Variants in KCNH1 observed in about 807,000 individuals in gnomAD.
KCNH1 encodes potassium voltage-gated channel subfamily H member 1.
In KCNH1, 27 loss-of-function variants were observed where a neutral mutation model predicts 69.2. That is an observed-to-expected ratio of 0.39 (90% CI 0.29 to 0.54). KCNH1 has a LOEUF of 0.54. Among genes scored for constraint, KCNH1 ranks in the 20% least tolerant of loss-of-function variants. The probability of loss-of-function intolerance (pLI) is 0.68; values close to 1 mark genes in which losing one functional copy is unlikely to be tolerated. For missense variants in KCNH1, 798 were observed against 1,261.6 expected (o/e 0.63, Z 5.57); for synonymous variants, 456 against 487.7 (o/e 0.93, Z 0.86).
intron 10 of KCNH1, among the ~76,000 whole-genome samples, chr1:210,743,283 T>C (rs1683078712): frequency 6.6e-6 from 1 of 152,200 alleles, no homozygotes; most frequent in Admixed American, 6.5e-5. Flanking sequence ...AGTCCGAGTG[T>C]CCTGAAAGAG....
At chr1:210,764,057 A>T (rs1683573122) in intron 10 of KCNH1, among the ~76,000 whole-genome samples, 1 of 152,184 alleles carries the variant, frequency 6.6e-6, no homozygotes, top group Non-Finnish European at 1.5e-5. Flanking sequence ...AAAGTTTGAA[A>T]TGAAGCCACA....
At chr1:210,933,489 T>G (rs1002142745) in intron 6 of KCNH1, among the ~76,000 whole-genome samples, 5 of 151,092 alleles carry the variant, frequency 3.3e-5, no homozygotes, top group Non-Finnish European at 7.4e-5. Flanking sequence ...ATTGTGAACA[T>G]GTACCCTAAA....
chr1:210,739,294 A>G (rs374766862), intron 10 of KCNH1, among the ~76,000 whole-genome samples: 5 of 152,216 alleles, frequency 3.3e-5, no homozygotes, highest in African/African-American at 9.6e-5. Flanking sequence ...TGATTTGCCA[A>G]TCCTGTTCTC....
intron 6 of KCNH1, among the ~76,000 whole-genome samples, chr1:210,963,187 T>C (rs1260846661): frequency 6.7e-6 from 1 of 150,246 alleles, no homozygotes; most frequent in Admixed American, 6.6e-5. Flanking sequence ...AACCCTCTAC[T>C]GGGGCCTGAC....
At chr1:210,699,015 C>A (rs1250863315) in intron 10 of KCNH1, among the ~76,000 whole-genome samples, 2 of 152,234 alleles carry the variant, frequency 1.3e-5, no homozygotes, top group East Asian at 3.8e-4. Context: ...GCAACAGACC[C>A]AAGTAAAGTG....
rs1681190168 is a variant in KCNH1, at chr1:210,678,534, T to C, written c.*4747A>G. 6.6e-6 allele frequency: 1 copy of C among 152,190 alleles called. No homozygotes were observed. The highest frequency in any genetic ancestry group is 2.1e-4 in the South Asian group (1 of 4,834). 9.4% of individuals were successfully genotyped at this position (152,190 alleles called of 1,614,324 possible). On this transcript the variant is annotated 3_prime_UTR_variant, in exon 11 of 11. Transcript: ENST00000271751. The stretch of plus-strand genomic sequence containing the variant: ...GCTCATTTACACTTTTGTTTATTCA[T>C]GCTCATTTGGACAAAGTGACAGATG...
At chr1:210,749,716 TGCATGACAGGA>T (rs1683239031) in intron 10 of KCNH1, among the ~76,000 whole-genome samples, 1 of 150,686 alleles carries the variant, frequency 6.6e-6, no homozygotes, top group African/African-American at 2.4e-5. Context: ...TGAGGACCCC[TGCATGACAGGA>T]GCCAAGGCTG....
At chr1:210,788,757 C>T (rs1290964668) in intron 9 of KCNH1, among the ~76,000 whole-genome samples, 8 of 116,504 alleles carry the variant, frequency 6.9e-5, no homozygotes, top group Admixed American at 1.2e-4. Flanking sequence ...AGTGCAGTGG[C>T]GGGATCTCGG....
chr1:210,754,070 G>A (rs569237477), intron 10 of KCNH1, among the ~76,000 whole-genome samples: 3 of 151,944 alleles, frequency 2.0e-5, no homozygotes, highest in Admixed American at 2.0e-4. Context: ...GCCCGCCACT[G>A]CGCCTGGCTA....
At chr1:211,071,389 C>G (rs567593551) in intron 5 of KCNH1, among the ~76,000 whole-genome samples, 1 of 152,222 alleles carries the variant, frequency 6.6e-6, no homozygotes, top group African/African-American at 2.4e-5. Flanking sequence ...CTTTTTACTG[C>G]TATATAAAAT....
At chr1:210,747,900 A>C (rs1683198000) in intron 10 of KCNH1, among the ~76,000 whole-genome samples, 1 of 152,226 alleles carries the variant, frequency 6.6e-6, no homozygotes, top group Non-Finnish European at 1.5e-5. Flanking sequence ...AAATCACACA[A>C]ATATAATTTA....
intron 2 of KCNH1, among the ~76,000 whole-genome samples, chr1:211,104,628 GA>G (rs1017503274): frequency 3.9e-5 from 6 of 152,076 alleles, no homozygotes; most frequent in East Asian, 1.9e-4. Flanking sequence ...AGAGGAGGGG[GA>G]AAAAAACATC....
chr1:210,827,748 G>C (rs78894495), intron 7 of KCNH1, among the ~76,000 whole-genome samples: 1,925 of 152,176 alleles, frequency 0.013, 45 homozygotes, highest in African/African-American at 0.044. Context: ...GGGGTCAGAG[G>C]GTTCTGATTC....
intron 6 of KCNH1, among the ~76,000 whole-genome samples, chr1:210,989,697 T>C (rs6678283): frequency 0.39 from 59,643 of 151,998 alleles, 12,163 homozygotes; most frequent in Non-Finnish European, 0.45. Context: ...TTCAAGAGAT[T>C]CAAATGCAGT....
At chr1:210,774,094 C>T (rs1379037558) in intron 10 of KCNH1, among the ~76,000 whole-genome samples, 4 of 152,074 alleles carry the variant, frequency 2.6e-5, no homozygotes, top group East Asian at 1.9e-4. Context: ...TGGTTGAGTT[C>T]GGGGCTCAGG....
chr1:210,766,089 A>T (rs1337979022), intron 10 of KCNH1, among the ~76,000 whole-genome samples: 1 of 152,012 alleles, frequency 6.6e-6, no homozygotes, highest in East Asian at 1.9e-4. Context: ...AAAAGAATGT[A>T]TAGCAGTAAT....
chr1:210,738,406 G>C (rs1682932422), intron 10 of KCNH1, among the ~76,000 whole-genome samples: 1 of 152,132 alleles, frequency 6.6e-6, no homozygotes, highest in Admixed American at 6.5e-5. Flanking sequence ...TGTAGCTAAA[G>C]CTGGGCACAT....
intron 4 of KCNH1, among the ~76,000 whole-genome samples, chr1:211,089,669 T>A (rs1311488268): frequency 1.3e-5 from 2 of 152,222 alleles, no homozygotes; most frequent in Non-Finnish European, 2.9e-5. Flanking sequence ...GACTCCACTC[T>A]CATCTCTTTG....
chr1:210,942,000 G>C (rs1687885177), intron 6 of KCNH1, among the ~76,000 whole-genome samples: 1 of 152,174 alleles, frequency 6.6e-6, no homozygotes, highest in Middle Eastern at 3.2e-3. Context: ...TGAAGCAACT[G>C]AGAGACACAG....
Sources: gnomAD v4.1 joint callset for allele counts (sites outside exome capture counted in the v4.1 genomes callset) on GRCh38, gnomAD v4.1.1 for gene constraint, MANE v1.5 for transcripts, NCBI Gene and HGNC (gene_info 2026-07-23, HGNC 2026-07-21) for gene names.